The following RAD18 variants were observed in gnomAD, a reference collection of about 807,000 sequenced individuals.
The protein encoded by RAD18 is RAD18 E3 ubiquitin protein ligase.
In RAD18, 47 loss-of-function variants were observed where a neutral mutation model predicts 60.4. The observed-to-expected ratio is 0.78, with a 90% CI of 0.62 to 0.99. The LOEUF (loss-of-function observed/expected upper bound fraction) is 0.99. Ranked by LOEUF, RAD18 falls within the 50% of genes least tolerant of loss-of-function variation. The pLI is 0.00. For missense variants in RAD18, 640 were observed against 593.3 expected (o/e 1.08, Z -0.82); for synonymous variants, 225 against 195.5 (o/e 1.15, Z -1.26).
In RAD18 at chr3:8,945,541, G is replaced by A. The variant is rs557676826; in HGVS notation, c.266+1679C>T. 1.0e-4 allele frequency among the ~76,000 whole-genome samples: 14 copies of A among 135,170 alleles called. 1 individual carries two copies. In the East Asian group the frequency reaches 1.9e-3, roughly 19 times the overall value. 88.7% of individuals were successfully genotyped at this position (135,170 alleles called of 152,430 possible). A position where few individuals can be genotyped will look rare whatever the true frequency, so the allele number is the denominator to read the frequency against. Reference sequence around the variant, plus strand: ...GGCTGGAGTGCAGTGGCGTGATCTCGGCTCACTGCAACCTCCAACTCCCTG... The same window carrying A: ...GGCTGGAGTGCAGTGGCGTGATCTCAGCTCACTGCAACCTCCAACTCCCTG... On this transcript the variant is annotated intron_variant, in intron 4 of 12. Transcript: ENST00000264926.
intron 10 of RAD18, 22 bp downstream of exon 10, chr3:8,902,358 G>A: frequency 1.3e-6 from 2 of 1,493,316 alleles, no homozygotes; most frequent in South Asian, 2.7e-5. Context: ...ACATATGTCT[G>A]TTTTTAATTA....
chr3:8,926,763 C>T (rs1292305618), intron 7 of RAD18, among the ~76,000 whole-genome samples: 2 of 152,050 alleles, frequency 1.3e-5, no homozygotes, highest in Admixed American at 6.6e-5. Context: ...CGCATATCTA[C>T]GACTATCTGA....
chr3:8,918,130 C>G (rs1426079718), intron 7 of RAD18, among the ~76,000 whole-genome samples: 2 of 151,918 alleles, frequency 1.3e-5, no homozygotes, highest in Non-Finnish European at 2.9e-5. Flanking sequence ...CCAGCCTGAC[C>G]AACATGGTGA....
In RAD18 at chr3:8,941,633, T is replaced by C. The variant is rs1474713952; in HGVS notation, c.438A>G (p.Ser146=). Residue 146 remains serine, a synonymous_variant, in exon 5 of 13, where the codon TCA becomes TCG. Coordinates refer to ENST00000264926, the MANE Select transcript of RAD18 (RefSeq NM_020165.4). Reference sequence around the variant, plus strand: ...TTTTATTTTCTTTTATCAACAACTCTGATGTAGAACCACTCATTTCTCTGA... The same window carrying C: ...TTTTATTTTCTTTTATCAACAACTCCGATGTAGAACCACTCATTTCTCTGA... ...FLIREMSGST[S]ELLIKENKSK... 2 of 1,614,184 alleles carry C rather than the reference T, an allele frequency of 1.2e-6. No homozygotes were observed. The highest frequency in any genetic ancestry group is 2.2e-5 in the East Asian group (1 of 44,884).
At chr3:8,912,520 T>C (rs1559770819) in intron 8 of RAD18, 148 bp from the exon 9 acceptor site, 3 of 477,984 alleles carry the variant, frequency 6.3e-6, no homozygotes, top group East Asian at 7.2e-5. Flanking sequence ...GAAGAATCAT[T>C]CCTATGTACT....
At chr3:8,893,693 A>ATTTT (rs71049754) in intron 11 of RAD18, among the ~76,000 whole-genome samples, 2 of 104,792 alleles carry the variant, frequency 1.9e-5, no homozygotes, top group African/African-American at 3.3e-5. Context: ...AGCTTTTTTA[A>ATTTT]TTTTTTTTTT....
In RAD18 at chr3:8,879,215, C is replaced by T. The variant is rs899174135; in HGVS notation, c.*2142G>A. 1 of 152,156 alleles carries T rather than the reference C, an allele frequency of 6.6e-6. No homozygotes were observed. The highest frequency in any genetic ancestry group is 2.4e-5 in the African/African-American group (1 of 41,432). The allele number at this position is 152,156 out of a possible 1,614,324, so 9.4% of individuals were successfully genotyped here. ...TAGTCTAAAGCGTGCCCCTTAACCC[C>T]TACCACTAAATATGTTGGAAGTCTT... On this transcript the variant is annotated 3_prime_UTR_variant, in exon 13 of 13. Coordinates refer to ENST00000264926, the MANE Select transcript of RAD18 (RefSeq NM_020165.4).
At chr3:8,936,751 C>G (rs943635275) in intron 6 of RAD18, among the ~76,000 whole-genome samples, 2 of 152,174 alleles carry the variant, frequency 1.3e-5, no homozygotes, top group African/African-American at 4.8e-5. Context: ...CTGTCCCAAA[C>G]GTTAGTGTAC....
At chr3:8,939,465 A>G (rs1311581862) in intron 6 of RAD18, 89 bp downstream of exon 6, 1 of 1,061,670 alleles carries the variant, frequency 9.4e-7, no homozygotes, top group East Asian at 2.5e-5. Context: ...TACGGTCACC[A>G]GGATAAAAGG....
chr3:8,932,106 G>A lies in RAD18; in HGVS notation c.889+3765C>T, dbSNP rs45551739. The stretch of plus-strand genomic sequence containing the variant: ...TCTTAGGATAAGCAAATATTTTGTT[G>A]ACATGCAACACAATTGTATACATAA... On this transcript the variant is annotated intron_variant, in intron 7 of 12. Transcript: ENST00000264926. Among the ~76,000 whole-genome samples, 16 of 152,166 alleles carry A rather than the reference G, an allele frequency of 1.1e-4. 1 individual carries two copies. The East Asian group carries it at 1.7e-3, about 17-fold the overall frequency.
chr3:8,921,395 T>C (rs1486428337), intron 7 of RAD18, among the ~76,000 whole-genome samples: 2 of 152,210 alleles, frequency 1.3e-5, no homozygotes, highest in Non-Finnish European at 2.9e-5. Flanking sequence ...TTCATGCCTG[T>C]AATCCCTGCA....
chr3:8,911,829 T>G (rs545297453), intron 9 of RAD18, among the ~76,000 whole-genome samples: 1 of 152,314 alleles, frequency 6.6e-6, no homozygotes, highest in South Asian at 2.1e-4. Context: ...AACAGTAATG[T>G]GTTAGCCCTG....
chr3:8,894,859 C>G (rs1200570995), intron 11 of RAD18, among the ~76,000 whole-genome samples: 2 of 150,406 alleles, frequency 1.3e-5, no homozygotes, highest in Non-Finnish European at 2.9e-5. Flanking sequence ...CTCCCACGTT[C>G]AAGCAATTCT....
chr3:8,957,471 A>T (rs954240189), intron 2 of RAD18, among the ~76,000 whole-genome samples: 4 of 152,166 alleles, frequency 2.6e-5, no homozygotes, highest in Non-Finnish European at 2.9e-5. Context: ...AAGGATAGAC[A>T]TATATGAGTC....
In RAD18 at chr3:8,963,357, G is replaced by C. The variant is rs376131063; in HGVS notation, c.29C>G (p.Pro10Arg). Residue 10 changes from proline (P) to arginine (R), a missense_variant, in exon 1 of 13, where the codon CCT becomes CGT. By Grantham distance (103) the Pro-to-Arg change is moderately radical (BLOSUM62 -2). Transcript: ENST00000264926. The part of the protein sequence containing the change: MDSLAESRW[P>R]PGLAVMKTID... ...CACCTTCATGACTGCCAGGCCCGGA[G>C]GCCACCGAGACTCGGCCAGGGAGTC... is the stretch of plus-strand genomic sequence containing the variant. 4 of 1,611,582 alleles carry C rather than the reference G, an allele frequency of 2.5e-6. No homozygotes were observed. The highest frequency in any genetic ancestry group is 1.3e-5 in the African/African-American group (1 of 74,794).
intron 4 of RAD18, among the ~76,000 whole-genome samples, chr3:8,944,674 G>A (rs1200186334): frequency 6.6e-6 from 1 of 151,188 alleles, no homozygotes; most frequent in East Asian, 1.9e-4. Flanking sequence ...GAGGGAGGGA[G>A]GAAGGAAGGA....
chr3:8,935,826 G>A (rs1418626938), intron 7 of RAD18, 45 bp downstream of exon 7: 3 of 1,409,492 alleles, frequency 2.1e-6, no homozygotes, highest in Admixed American at 2.5e-5. Context: ...ACACAAAATT[G>A]CTTTATCCAG....
At chr3:8,892,487 T>G (rs553342646) in intron 11 of RAD18, among the ~76,000 whole-genome samples, 1 of 152,208 alleles carries the variant, frequency 6.6e-6, no homozygotes, top group South Asian at 2.1e-4. Context: ...ATAGGCTTAT[T>G]TAGAACACCT....
In RAD18 at chr3:8,878,117, G is replaced by C. The variant is rs1278394265; in HGVS notation, c.*3240C>G. 6.6e-6 allele frequency: 1 copy of C among 152,382 alleles called. No homozygotes were observed. Among genetic ancestry groups the C allele is most frequent in the Admixed American group, 6.5e-5 (1 of 15,288 alleles). The allele number at this position is 152,382 out of a possible 1,614,324, so 9.4% of individuals were successfully genotyped here. ...AGTGCACGTGACAGAGCAGCGGTGA[G>C]GAGGGCAGATGCTGGTAGAAGTCTG... is the stretch of plus-strand genomic sequence containing the variant. On this transcript the variant is annotated 3_prime_UTR_variant, in exon 13 of 13. Coordinates refer to ENST00000264926, the MANE Select transcript of RAD18 (RefSeq NM_020165.4).
Sources: allele counts gnomAD v4.1 joint callset (sites outside exome capture counted in the v4.1 genomes callset), GRCh38; gene constraint gnomAD v4.1.1; transcripts MANE v1.5; gene names NCBI Gene and HGNC (gene_info 2026-07-23, HGNC 2026-07-21).